Variants in GCSAM observed in about 807,000 individuals in gnomAD.
GCSAM encodes germinal center-associated signaling and motility protein.
GCSAM carries 8 observed loss-of-function variants against 17.6 expected under a neutral mutation model. The ratio of observed to expected loss-of-function variants is 0.46; its 90% CI spans 0.27 to 0.82. The LOEUF (loss-of-function observed/expected upper bound fraction) is 0.82. Among genes scored for constraint, GCSAM ranks in the 40% least tolerant of loss-of-function variants. The pLI, the probability that GCSAM is intolerant of heterozygous loss-of-function variation, is 0.15. For missense variants in GCSAM, 192 were observed against 213.5 expected, an observed-to-expected ratio of 0.90 and a Z score of 0.63; for synonymous variants, 68 against 69.0, an observed-to-expected ratio of 0.98 and a Z score of 0.07.
At chr3:112,129,554 G>C (rs1001336057) in intron 2 of GCSAM, 2 of 152,140 alleles carry the variant, frequency 1.3e-5, no homozygotes, top group Non-Finnish European at 2.9e-5. Context: ...CTTTCACAAT[G>C]CCTTCTCTGG....
At chr3:112,129,709 T>G (rs1320875845) in intron 2 of GCSAM, 1 of 152,202 alleles carries the variant, frequency 6.6e-6, no homozygotes, top group Non-Finnish European at 1.5e-5. Context: ...AAATTCACCC[T>G]GTTGAAAGGA....
rs915432414 is a variant in GCSAM at position 112,124,807 on chromosome 3, G to A, written c.219+419C>T. 2.8e-4 allele frequency among the ~76,000 whole-genome samples: 43 copies of A among 152,182 alleles called. 1 individual carries two copies. The highest frequency in any genetic ancestry group is 1.3e-4 in the Admixed American group (2 of 15,278). On this transcript the variant is annotated intron_variant, in intron 5 of 5. Transcript: ENST00000308910. ...GGGAAAAGCATGGATTGTGAAGTGA[G>A]ACTTGGTTTTGAATCCTGGTTCCGC...
At chr3:112,127,759 T>C (rs1472065323) in intron 3 of GCSAM, among the ~76,000 whole-genome samples, 5 of 152,224 alleles carry the variant, frequency 3.3e-5, no homozygotes, top group Non-Finnish European at 2.9e-5. Context: ...AAAAAACGTA[T>C]GTTTTCTACG....
At chr3:112,127,324 A>T (rs2074349402) in intron 3 of GCSAM, among the ~76,000 whole-genome samples, 1 of 151,966 alleles carries the variant, frequency 6.6e-6, no homozygotes, top group Admixed American at 6.6e-5. Flanking sequence ...TTTTTTGGAG[A>T]CTTTTTTTCT....
chr3:112,129,919 T>C (rs937246597), intron 2 of GCSAM: 3 of 152,818 alleles, frequency 2.0e-5, no homozygotes, highest in African/African-American at 7.2e-5. Context: ...ATTTTAATTA[T>C]TCCTTTCCTT....
rs2074230930 is a variant in GCSAM, at chr3:112,123,110, G to A, written c.*345C>T. The A allele has an allele frequency of 7.4e-6, 2 of 270,716 alleles. No individual in the cohort carries two copies. The highest frequency in any genetic ancestry group is 4.9e-5 in the Admixed American group (1 of 20,362). 16.8% of individuals were successfully genotyped at this position (270,716 alleles called of 1,614,324 possible). ...TTGTGACTTTAGAGAATGATCATGG[G>A]AACACTTTATAAGAAGATCCCAGAC... On this transcript the variant is annotated 3_prime_UTR_variant, in exon 6 of 6. Transcript: ENST00000308910.
chr3:112,128,602 G>A (rs2074383443), intron 2 of GCSAM: 1 of 203,064 alleles, frequency 4.9e-6, no homozygotes, highest in South Asian at 8.8e-5. Context: ...ACAACATCTG[G>A]CACACAGTAA....
At chr3:112,124,135 T>C (rs1032343033) in intron 5 of GCSAM, among the ~76,000 whole-genome samples, 2 of 152,244 alleles carry the variant, frequency 1.3e-5, no homozygotes, top group Admixed American at 6.5e-5. Flanking sequence ...TTCTCATGAA[T>C]GGCTTAGTGC....
intron 2 of GCSAM, chr3:112,129,439 A>G (rs562906033): frequency 1.3e-5 from 2 of 152,312 alleles, no homozygotes; most frequent in African/African-American, 2.4e-5. Context: ...TTGCATTTCA[A>G]CATGGTGGTT....
chr3:112,128,070 C>T lies in GCSAM; in HGVS notation c.99-9G>A, dbSNP rs1399485596. ...TATGGTGATCCCAGCATCTAAAATA[C>T]CCAAGAGAGATGGCAAATCATAAGG... On this transcript the variant is annotated splice_polypyrimidine_tract_variant and intron_variant, in intron 2 of 5. Transcript: ENST00000308910. 5.0e-6 allele frequency: 8 copies of T among 1,612,674 alleles called. No individual in the cohort carries two copies. Among genetic ancestry groups the T allele is most frequent in the South Asian group, 1.1e-5 (1 of 91,048 alleles).
At chr3:112,124,898 C>T (rs115323333) in intron 5 of GCSAM, among the ~76,000 whole-genome samples, 2 of 152,188 alleles carry the variant, frequency 1.3e-5, no homozygotes, top group Middle Eastern at 3.4e-3. Context: ...TCTATAAAAT[C>T]GGGGGATGGG....
chr3:112,128,228 C>T (rs773982985), intron 2 of GCSAM, 167 bp from the exon 3 acceptor site: 22 of 710,546 alleles, frequency 3.1e-5, no homozygotes, highest in Non-Finnish European at 5.2e-5. Flanking sequence ...CCTTTGTCTT[C>T]CTAGGATGAA....
chr3:112,120,885 A>G lies in GCSAM; in HGVS notation c.*2570T>C, dbSNP rs2074181608. 1.3e-5 allele frequency: 2 copies of G among 152,216 alleles called. No homozygotes were observed. The highest frequency in any genetic ancestry group is 4.8e-5 in the African/African-American group (2 of 41,456). 9.4% of individuals were successfully genotyped at this position (152,216 alleles called of 1,614,324 possible). A position where few individuals can be genotyped will look rare whatever the true frequency, so the allele number is the denominator to read the frequency against. On this transcript the variant is annotated 3_prime_UTR_variant, in exon 6 of 6. Transcript: ENST00000308910. ...ATTTACTGGAAATTTGAGACATCCT[A>G]CATATTAAGTATATTACACTCATAT... is the stretch of plus-strand genomic sequence containing the variant.
In GCSAM at chr3:112,121,376, G is replaced by C. The variant is rs1209370233; in HGVS notation, c.*2079C>G. On this transcript the variant is annotated 3_prime_UTR_variant, in exon 6 of 6. Coordinates refer to ENST00000308910, the MANE Select transcript of GCSAM (RefSeq NM_152785.5). The stretch of plus-strand genomic sequence containing the variant: ...TGGTTTTTTTCCGTACATCATAAAA[G>C]ATTTTTGTTTCTCTATGCTCTTTGA... 6.6e-6 allele frequency: 1 copy of C among 152,168 alleles called. No homozygotes were observed. Among genetic ancestry groups the C allele is most frequent in the African/African-American group, 2.4e-5 (1 of 41,432 alleles). The allele number at this position is 152,168 out of a possible 1,614,324, so 9.4% of individuals were successfully genotyped here.
intron 4 of GCSAM, among the ~76,000 whole-genome samples, chr3:112,126,690 T>G (rs1559984281): frequency 6.6e-6 from 1 of 152,200 alleles, no homozygotes; most frequent in Non-Finnish European, 1.5e-5. Flanking sequence ...CTGGCTTTCT[T>G]GCAGTTTCTT....
At position 112,128,047 on chromosome 3, in the gene GCSAM, T is replaced by C. The variant is rs1701619871; in HGVS notation, c.113A>G (p.His38Arg). The C allele has an allele frequency of 6.2e-7, 1 of 1,613,712 alleles. No individual in the cohort carries two copies. The highest frequency in any genetic ancestry group is 8.5e-7 in the Non-Finnish European group (1 of 1,179,798). Reference sequence around the variant, plus strand: ...AAGGCAGAAACACCCTTCAGCGATATGGTGATCCCAGCATCTAAAATACCC... The same window carrying C: ...AAGGCAGAAACACCCTTCAGCGATACGGTGATCCCAGCATCTAAAATACCC... Reference protein sequence around the residue: ...KQRTSRCWDHHIAEGCFCLPW... With the variant: ...KQRTSRCWDHRIAEGCFCLPW... The change falls in exon 3 of 6, where the codon CAT becomes CGT. Residue 38 changes from histidine (H) to arginine (R), a missense_variant. Transcript: ENST00000308910.
At position 112,130,163 on chromosome 3, in the gene GCSAM, A is replaced by G. The variant is rs1047889467; in HGVS notation, c.98+282T>C. 88 of 385,704 alleles carry G rather than the reference A, an allele frequency of 2.3e-4. No homozygotes were observed. In the East Asian group the frequency reaches 3.9e-3, roughly 17 times the overall value. The allele number at this position is 385,704 out of a possible 1,614,324, so 23.9% of individuals were successfully genotyped here. A position where few individuals can be genotyped will look rare whatever the true frequency, so the allele number is the denominator to read the frequency against. On this transcript the variant is annotated intron_variant, in intron 2 of 5. Coordinates refer to ENST00000308910, the MANE Select transcript of GCSAM (RefSeq NM_152785.5). The stretch of plus-strand genomic sequence containing the variant: ...CCTGAGATAGACAAACAAAATGACA[A>G]CAGGAAATAAGACCTTTTATTTTAT...
Position 112,126,902 on chromosome 3 carries a change from A to G in GCSAM, c.190+85T>C. Reference sequence around the variant, plus strand: ...TAGATATTGTAATTGAAATATGCCTAAGGGGCTTTGGGAACATAGAGAAGA... The same window carrying G: ...TAGATATTGTAATTGAAATATGCCTGAGGGGCTTTGGGAACATAGAGAAGA... On this transcript the variant is annotated intron_variant, in intron 4 of 5. Coordinates refer to ENST00000308910, the MANE Select transcript of GCSAM (RefSeq NM_152785.5). 3 of 934,972 alleles carry G rather than the reference A, an allele frequency of 3.2e-6. No homozygotes were observed. The South Asian group carries it at 4.2e-5, about 13-fold the overall frequency. The allele number at this position is 934,972 out of a possible 1,614,324, so 57.9% of individuals were successfully genotyped here.
chr3:112,132,440 G>A (rs2074479423), intron 1 of GCSAM, among the ~76,000 whole-genome samples: 1 of 152,194 alleles, frequency 6.6e-6, no homozygotes, highest in Non-Finnish European at 1.5e-5. Flanking sequence ...TAAGGAAGAT[G>A]ATGGTCAGAA....
Sources: gnomAD v4.1 joint callset for allele counts (sites outside exome capture counted in the v4.1 genomes callset) on GRCh38, gnomAD v4.1.1 for gene constraint, MANE v1.5 for transcripts, NCBI Gene and HGNC (gene_info 2026-07-23, HGNC 2026-07-21) for gene names.